The following H6PD variants were observed in gnomAD, a reference collection of about 807,000 sequenced individuals.
H6PD encodes hexose-6-phosphate dehydrogenase/glucose 1-dehydrogenase, also known as GDH/6PGL endoplasmic bifunctional protein.
H6PD carries 48 observed loss-of-function variants against 61.2 expected under a neutral mutation model. The observed-to-expected ratio is 0.78, with a 90% confidence interval of 0.62 to 1.00. The LOEUF (loss-of-function observed/expected upper bound fraction) is 1.00. Among genes scored for constraint, H6PD ranks in the 50% least tolerant of loss-of-function variants. H6PD has a pLI of 0.00. For missense variants in H6PD, 1,093 were observed against 1,065.0 expected (o/e 1.03, Z -0.37); for synonymous variants, 480 against 457.9 (o/e 1.05, Z -0.62).
At chr1:9,246,098 A>G (rs1470991951) in intron 2 of H6PD, among the ~76,000 whole-genome samples, 1 of 151,836 alleles carries the variant, frequency 6.6e-6, no homozygotes, top group African/African-American at 2.4e-5. Flanking sequence ...GCGCATCACC[A>G]TGCCCGGCTA....
Position 9,265,007 on chromosome 1 carries a change from G to T in H6PD, c.*138G>T. 1.1e-6 allele frequency: 1 copy of T among 901,754 alleles called. No homozygotes were observed. Among genetic ancestry groups the T allele is most frequent in the Non-Finnish European group, 1.8e-6 (1 of 568,526 alleles). The allele number at this position is 901,754 out of a possible 1,614,324, so 55.9% of individuals were successfully genotyped here. A position where few individuals can be genotyped will look rare whatever the true frequency, so the allele number is the denominator to read the frequency against. Reference sequence around the variant, plus strand: ...ATCCCACAGTCAGGCCCCAGAGAGGGCAGGACAAGCCTTGTCCCGATGCCT... The same window carrying T: ...ATCCCACAGTCAGGCCCCAGAGAGGTCAGGACAAGCCTTGTCCCGATGCCT... On this transcript the variant is annotated 3_prime_UTR_variant, in exon 5 of 5. Coordinates refer to ENST00000377403, the MANE Select transcript of H6PD (RefSeq NM_004285.4).
chr1:9,246,934 C>T (rs1351657715), intron 2 of H6PD, 32 bp from the exon 3 acceptor site: 2 of 1,454,178 alleles, frequency 1.4e-6, no homozygotes, highest in African/African-American at 2.8e-5. Flanking sequence ...TGAGAGTATC[C>T]TGCAGCACGC....
chr1:9,239,805 C>G (rs777449025), intron 1 of H6PD: 3 of 393,270 alleles, frequency 7.6e-6, no homozygotes, highest in Non-Finnish European at 1.3e-5. Flanking sequence ...CCCTTGTCTG[C>G]TGGGCATAGA....
intron 3 of H6PD, among the ~76,000 whole-genome samples, chr1:9,248,167 G>A (rs1283454720): frequency 5.9e-5 from 9 of 152,214 alleles, no homozygotes; most frequent in South Asian, 4.1e-4. Context: ...GGGAGCACCC[G>A]AGGCCACTGC....
intron 1 of H6PD, chr1:9,242,869 CCTT>C (rs752750533): frequency 2.0e-6 from 2 of 984,690 alleles, no homozygotes; most frequent in Admixed American, 6.2e-5. Context: ...TGCAGCTTCT[CCTT>C]CTCTCCAGAC....
chr1:9,264,883 C>T lies in H6PD; in HGVS notation c.*14C>T. ...TTCCTGGGATGAGGGCGCCTGTGCC[C>T]CTTGCCCGCTTCGCTCCTGTGCTTT... On this transcript the variant is annotated 3_prime_UTR_variant, in exon 5 of 5. Transcript: ENST00000377403. 6.2e-7 allele frequency: 1 copy of T among 1,610,432 alleles called. No homozygotes were observed. Among genetic ancestry groups the T allele is most frequent in the Non-Finnish European group, 8.5e-7 (1 of 1,179,940 alleles).
chr1:9,249,054 C>T (rs907388543), intron 3 of H6PD, among the ~76,000 whole-genome samples: 113 of 152,318 alleles, frequency 7.4e-4, no homozygotes, highest in African/African-American at 2.1e-3. Flanking sequence ...GCCAGCGGGC[C>T]GGCGCTTGCC....
chr1:9,253,185 A>G (rs1032725886), intron 3 of H6PD, among the ~76,000 whole-genome samples: 2 of 152,186 alleles, frequency 1.3e-5, no homozygotes, highest in African/African-American at 4.8e-5. Flanking sequence ...CCAACCAGGC[A>G]AAGTCCATAA....
chr1:9,259,293 G>A (rs1018023157), intron 3 of H6PD, among the ~76,000 whole-genome samples: 12 of 152,198 alleles, frequency 7.9e-5, no homozygotes, highest in Admixed American at 1.3e-4. Context: ...TGGCCACACC[G>A]GTGTTGTTAT....
rs1638624765 is a variant in H6PD, at chr1:9,268,019, GATCAC to G, written c.*3151_*3155del. ...GCACTATGGGAGGCTGAGGTGAGAG[GATCAC>G]TTGAGCCCAGAAGGTTGAAACCAGC... On this transcript the variant is annotated 3_prime_UTR_variant, in exon 5 of 5. Coordinates refer to ENST00000377403, the MANE Select transcript of H6PD (RefSeq NM_004285.4). 6.6e-6 allele frequency: 1 copy of G among 152,054 alleles called. No individual in the cohort carries two copies. The highest frequency in any genetic ancestry group is 1.5e-5 in the Non-Finnish European group (1 of 68,030). The allele number at this position is 152,054 out of a possible 1,614,324, so 9.4% of individuals were successfully genotyped here.
chr1:9,248,092 C>T (rs538089457), intron 3 of H6PD, among the ~76,000 whole-genome samples: 207 of 152,330 alleles, frequency 1.4e-3, no homozygotes, highest in African/African-American at 4.6e-3. Context: ...GGCGCCGCTG[C>T]GCTGTGCTGC....
In H6PD at chr1:9,263,819, T is replaced by C. The variant is rs746274075; in HGVS notation, c.1326T>C (p.Pro442=). ...GPPGLRLFGS[P]LSDYYAYSPV... ...CTGGGCTCCGCCTTTTCGGCAGCCC[T>C]CTGTCCGATTACTACGCCTACAGCC... The change falls in exon 5 of 5, where the codon CCT becomes CCC. Residue 442 remains proline, a synonymous_variant. Transcript: ENST00000377403. 2 of 1,613,788 alleles carry C rather than the reference T, an allele frequency of 1.2e-6. No homozygotes were observed. Among genetic ancestry groups the C allele is most frequent in the African/African-American group, 1.3e-5 (1 of 74,930 alleles).
intron 3 of H6PD, among the ~76,000 whole-genome samples, chr1:9,252,065 C>T (rs1475488392): frequency 6.6e-6 from 1 of 151,984 alleles, no homozygotes; most frequent in Non-Finnish European, 1.5e-5. Context: ...ATAATGCACA[C>T]GGAAATACGT....
intron 1 of H6PD, chr1:9,242,462 G>T: frequency 2.2e-6 from 1 of 446,816 alleles, no homozygotes; most frequent in Non-Finnish European, 3.0e-6. Flanking sequence ...TCTTGGATTT[G>T]TTTAAAGGAG....
In H6PD at chr1:9,262,214, C is replaced by T. The variant is rs150901527; in HGVS notation, c.901C>T (p.Arg301Trp). 378 of 1,613,992 alleles carry T rather than the reference C, an allele frequency of 2.3e-4. No individual in the cohort carries two copies. In the East Asian group the frequency reaches 2.6e-3, roughly 11 times the overall value. ...CAAGCTTCAGGTCTTCCAGGCGCTGCGGGGCCTGCAGAGGGGCAGTGCCGT... is the reference window on the plus strand; with the variant it reads ...CAAGCTTCAGGTCTTCCAGGCGCTGTGGGGCCTGCAGAGGGGCAGTGCCGT... ...RHKLQVFQAL[R>W]GLQRGSAVVG... Residue 301 changes from arginine to tryptophan, a missense_variant, in exon 4 of 5, where the codon CGG becomes TGG. Physicochemically the swap from Arg to Trp is moderately radical, Grantham distance 101. Transcript: ENST00000377403.
Position 9,270,328 on chromosome 1 carries a change from A to G in H6PD, c.*5459A>G, listed in dbSNP as rs1638707349. On this transcript the variant is annotated 3_prime_UTR_variant, in exon 5 of 5. Transcript: ENST00000377403. ...TTTGAACAGCTAGTAGTTAGCTTTG[A>G]AAGTGGAAGTGTGAACAGACACTAC... The G allele has an allele frequency of 6.6e-6, 1 of 152,460 alleles. No homozygotes were observed. Among genetic ancestry groups the G allele is most frequent in the African/African-American group, 2.4e-5 (1 of 41,454 alleles). The allele number at this position is 152,460 out of a possible 1,614,324, so 9.4% of individuals were successfully genotyped here. A position where few individuals can be genotyped will look rare whatever the true frequency, so the allele number is the denominator to read the frequency against.
At position 9,245,263 on chromosome 1, in the gene H6PD, A is replaced by C; in HGVS notation, c.329A>C (p.Gln110Pro). 6.2e-7 allele frequency: 1 copy of C among 1,614,182 alleles called. No individual in the cohort carries two copies. The highest frequency in any genetic ancestry group is 8.5e-7 in the Non-Finnish European group (1 of 1,180,036). Reference protein sequence around the residue: ...DQFLQLSQYRQLKTAEDYQAL... With the variant: ...DQFLQLSQYRPLKTAEDYQAL... ...TTCCTGCAGCTGAGCCAGTACCGCC[A>C]ACTGAAGACGGCCGAGGACTATCAG... The change falls in exon 2 of 5, where the codon CAA becomes CCA. Residue 110 changes from glutamine to proline, a missense_variant. Transcript: ENST00000377403. This position sits in a 1 kb window ranked among gnomAD's most constrained non-coding sequence, Gnocchi z 4.8.
At chr1:9,260,114 C>T (rs1019666343) in intron 3 of H6PD, among the ~76,000 whole-genome samples, 12 of 151,528 alleles carry the variant, frequency 7.9e-5, no homozygotes, top group South Asian at 2.1e-4. Flanking sequence ...TATGTTGTTA[C>T]GCCAGTGTTG....
In H6PD at chr1:9,254,600, C is replaced by G. The variant is rs942470815; in HGVS notation, c.746-7459C>G. On this transcript the variant is annotated intron_variant, in intron 3 of 4. Transcript: ENST00000377403. This position sits in a 1 kb window ranked among gnomAD's most constrained non-coding sequence, Gnocchi z 4.6. Reference sequence around the variant, plus strand: ...CCTCACTGATTTCACTACCACCAGTCCCATCCTGTTCATCTTGGAGGTCGC... The same window carrying G: ...CCTCACTGATTTCACTACCACCAGTGCCATCCTGTTCATCTTGGAGGTCGC... Among the ~76,000 whole-genome samples, 6 of 152,170 alleles carry G rather than the reference C, an allele frequency of 3.9e-5. No individual in the cohort carries two copies. Among genetic ancestry groups the G allele is most frequent in the Non-Finnish European group, 8.8e-5 (6 of 68,034 alleles).
Sources: gnomAD v4.1 joint callset for allele counts (sites outside exome capture counted in the v4.1 genomes callset) on GRCh38, gnomAD v4.1.1 for gene constraint, Gnocchi (gnomAD v3.1) non-coding constraint, MANE v1.5 for transcripts, NCBI Gene and HGNC (gene_info 2026-07-23, HGNC 2026-07-21) for gene names.